Variants in ABHD17C observed in about 807,000 individuals in gnomAD.
The protein encoded by ABHD17C is alpha/beta hydrolase domain-containing protein 17C.
Under a neutral mutation model 27.9 loss-of-function variants are expected in ABHD17C, and 11 were observed. That is an observed-to-expected ratio of 0.39 (90% CI 0.25 to 0.65). The LOEUF is 0.65. Ranked by LOEUF, ABHD17C falls within the 30% of genes least tolerant of loss-of-function variation. The probability of loss-of-function intolerance (pLI) is 0.45; values close to 1 mark genes in which losing one functional copy is unlikely to be tolerated. For synonymous variants in ABHD17C, 233 were observed against 209.1 expected, an observed-to-expected ratio of 1.11 and a Z score of -0.98; for missense variants, 280 against 470.2, an observed-to-expected ratio of 0.60 and a Z score of 3.74.
intron 1 of ABHD17C, among the ~76,000 whole-genome samples, chr15:80,748,342 T>G (rs1895319052): frequency 6.6e-6 from 1 of 152,236 alleles, no homozygotes; most frequent in Admixed American, 6.5e-5. Context: ...GGGCTTCAAC[T>G]TTTCCAGATA....
At chr15:80,714,386 G>A (rs952827523) in intron 1 of ABHD17C, among the ~76,000 whole-genome samples, 2 of 152,180 alleles carry the variant, frequency 1.3e-5, no homozygotes, top group African/African-American at 4.8e-5. Context: ...CATCTGTGAG[G>A]CACAAACTGT....
chr15:80,712,682 C>T (rs1354931058), intron 1 of ABHD17C, among the ~76,000 whole-genome samples: 1 of 152,188 alleles, frequency 6.6e-6, no homozygotes, highest in Non-Finnish European at 1.5e-5. Context: ...TGACAGCCAG[C>T]TCATTCTAAT....
chr15:80,716,879 C>A (rs1894810640), intron 1 of ABHD17C, among the ~76,000 whole-genome samples: 1 of 152,196 alleles, frequency 6.6e-6, no homozygotes, highest in Admixed American at 6.5e-5. Context: ...CCGAACGCAT[C>A]CCTGTTGAGC....
chr15:80,728,536 A>T (rs1235240608), intron 1 of ABHD17C, among the ~76,000 whole-genome samples: 1 of 152,212 alleles, frequency 6.6e-6, no homozygotes, highest in Non-Finnish European at 1.5e-5. Flanking sequence ...TAGGAGATCT[A>T]AAGGCAGGTA....
intron 1 of ABHD17C, among the ~76,000 whole-genome samples, chr15:80,735,039 T>C (rs1895110311): frequency 6.6e-6 from 1 of 152,236 alleles, no homozygotes; most frequent in African/African-American, 2.4e-5. Context: ...GCTCTGCTCC[T>C]GTGTCCTTGC....
At chr15:80,702,002 T>A (rs988824350) in intron 1 of ABHD17C, among the ~76,000 whole-genome samples, 4 of 152,158 alleles carry the variant, frequency 2.6e-5, no homozygotes, top group African/African-American at 9.7e-5. Flanking sequence ...GCTCTCACTC[T>A]CCTCTTGCCA....
intron 1 of ABHD17C, among the ~76,000 whole-genome samples, chr15:80,743,305 G>T (rs889873648): frequency 6.6e-6 from 1 of 152,082 alleles, no homozygotes; most frequent in Admixed American, 6.5e-5. Context: ...GTCTGTGGAG[G>T]AGTGCCCCCA....
chr15:80,731,760 A>G (rs548898748), intron 1 of ABHD17C, among the ~76,000 whole-genome samples: 1 of 152,300 alleles, frequency 6.6e-6, no homozygotes, highest in South Asian at 2.1e-4. Flanking sequence ...ATAAAATCTC[A>G]TTTAGAATTC....
intron 1 of ABHD17C, among the ~76,000 whole-genome samples, chr15:80,699,887 A>G (rs1303525281): frequency 6.6e-6 from 1 of 152,252 alleles, no homozygotes; most frequent in Non-Finnish European, 1.5e-5. Flanking sequence ...CTCATTGAGC[A>G]TGATGGAGAG....
intron 1 of ABHD17C, among the ~76,000 whole-genome samples, chr15:80,739,627 C>T (rs151014479): frequency 4.0e-4 from 61 of 152,270 alleles, no homozygotes; most frequent in East Asian, 3.5e-3. Context: ...CCATGTGACA[C>T]GCTGCGTCCC....
intron 1 of ABHD17C, among the ~76,000 whole-genome samples, chr15:80,730,666 G>A (rs1240365812): frequency 1.3e-5 from 2 of 152,174 alleles, no homozygotes; most frequent in Non-Finnish European, 2.9e-5. Flanking sequence ...GGATTGAAAC[G>A]TTGACTCGCA....
intron 1 of ABHD17C, among the ~76,000 whole-genome samples, chr15:80,730,496 TCTA>T (rs1162705573): frequency 1.3e-5 from 2 of 152,250 alleles, no homozygotes; most frequent in African/African-American, 4.8e-5. Flanking sequence ...AAAACGCAGT[TCTA>T]CTTCTGTAGC....
chr15:80,754,129 C>G, intron 2 of ABHD17C, 22 bp from the exon 3 acceptor site: 1 of 1,585,992 alleles, frequency 6.3e-7, no homozygotes, highest in Non-Finnish European at 8.7e-7. Flanking sequence ...CTCTTTCTGC[C>G]TCCCCCCTTT....
At chr15:80,728,347 C>T (rs917758681) in intron 1 of ABHD17C, among the ~76,000 whole-genome samples, 1 of 152,156 alleles carries the variant, frequency 6.6e-6, no homozygotes, top group Non-Finnish European at 1.5e-5. Flanking sequence ...AGAGCCAGGA[C>T]TGCTATTCAC....
chr15:80,744,327 T>C (rs934754132), intron 1 of ABHD17C, among the ~76,000 whole-genome samples: 1 of 152,158 alleles, frequency 6.6e-6, no homozygotes, highest in African/African-American at 2.4e-5. Flanking sequence ...TTTGGAACCA[T>C]TGGCATAGAG....
At chr15:80,735,776 A>G (rs1262380576) in intron 1 of ABHD17C, among the ~76,000 whole-genome samples, 3 of 152,158 alleles carry the variant, frequency 2.0e-5, no homozygotes, top group East Asian at 1.9e-4. Flanking sequence ...CTGTACCTCA[A>G]TGAACTTGAC....
At chr15:80,723,332 T>A (rs1333353789) in intron 1 of ABHD17C, among the ~76,000 whole-genome samples, 1 of 152,172 alleles carries the variant, frequency 6.6e-6, no homozygotes. Context: ...TGAACAGAAG[T>A]TGCTATTAAT....
At chr15:80,722,547 CTT>C (rs200300358) in intron 1 of ABHD17C, among the ~76,000 whole-genome samples, 1 of 145,684 alleles carries the variant, frequency 6.9e-6, no homozygotes. Context: ...CTTGCCCACC[CTT>C]TTTTTTTTTC....
intron 1 of ABHD17C, among the ~76,000 whole-genome samples, chr15:80,700,036 A>G (rs901513286): frequency 2.0e-5 from 3 of 152,236 alleles, no homozygotes; most frequent in Non-Finnish European, 2.9e-5. Context: ...GGGTCACCTT[A>G]TTGGAGTGTA....
Sources: gnomAD v4.1 joint callset for allele counts (sites outside exome capture counted in the v4.1 genomes callset) on GRCh38, gnomAD v4.1.1 for gene constraint, MANE v1.5 for transcripts, NCBI Gene and HGNC (gene_info 2026-07-23, HGNC 2026-07-21) for gene names.